Variants in ELOVL6 observed in about 807,000 individuals in gnomAD.
ELOVL6 encodes the protein very long chain fatty acid elongase 6.
In ELOVL6, 8 loss-of-function variants were observed where a neutral mutation model predicts 31.7. The ratio of observed to expected loss-of-function variants is 0.25; its 90% CI spans 0.15 to 0.45. The LOEUF (loss-of-function observed/expected upper bound fraction) is 0.45. Among genes scored for constraint, ELOVL6 ranks in the 20% least tolerant of loss-of-function variants. The probability of loss-of-function intolerance (pLI) is 1.00; values close to 1 mark genes in which losing one functional copy is unlikely to be tolerated. For missense variants in ELOVL6, 126 were observed against 326.4 expected, an observed-to-expected ratio of 0.39 and a Z score of 4.73; for synonymous variants, 101 against 117.7, an observed-to-expected ratio of 0.86 and a Z score of 0.92.
intron 1 of ELOVL6, among the ~76,000 whole-genome samples, chr4:110,158,294 GCA>G (rs1399792544): frequency 1.3e-5 from 2 of 152,068 alleles, no homozygotes; most frequent in African/African-American, 2.4e-5. Context: ...ACCATTGTGT[GCA>G]CAGTCTATAA....
intron 1 of ELOVL6, among the ~76,000 whole-genome samples, chr4:110,137,237 A>G (rs1757836601): frequency 6.6e-6 from 1 of 152,184 alleles, no homozygotes; most frequent in Admixed American, 6.5e-5. Context: ...TCTGACTCTG[A>G]GCCTGGATTA....
intron 1 of ELOVL6, among the ~76,000 whole-genome samples, chr4:110,134,970 T>C (rs1174087794): frequency 6.6e-6 from 1 of 152,014 alleles, no homozygotes; most frequent in Non-Finnish European, 1.5e-5. Flanking sequence ...AAAAAAGTGA[T>C]GATGTAGGAC....
chr4:110,195,664 C>G (rs1196125431), intron 1 of ELOVL6, among the ~76,000 whole-genome samples: 1 of 152,056 alleles, frequency 6.6e-6, no homozygotes, highest in Non-Finnish European at 1.5e-5. Flanking sequence ...GAGCAGAAGC[C>G]AGGAAGGGAA....
rs150372633 is a variant in ELOVL6, at chr4:110,149,941, T to G, written c.90-44313A>C. On this transcript the variant is annotated intron_variant, in intron 1 of 3. Coordinates refer to ENST00000302274, the MANE Select transcript of ELOVL6 (RefSeq NM_024090.3). ...AATAAATGCCTTCTTAAATCTTGAA[T>G]TTTTCTTCCCCTTAAAACAAGTACA... Among the ~76,000 whole-genome samples, 1,011 of 152,312 alleles carry G rather than the reference T, an allele frequency of 6.6e-3. 20 individuals are homozygous for G. Among genetic ancestry groups the G allele is most frequent in the African/African-American group, 0.022 (934 of 41,570 alleles).
At chr4:110,185,622 G>T (rs187862672) in intron 1 of ELOVL6, among the ~76,000 whole-genome samples, 1 of 152,170 alleles carries the variant, frequency 6.6e-6, no homozygotes, top group Non-Finnish European at 1.5e-5. Flanking sequence ...GCTTAGAAAA[G>T]AAGGCCTAGA....
intron 1 of ELOVL6, among the ~76,000 whole-genome samples, chr4:110,185,259 CT>C (rs1759404534): frequency 6.6e-6 from 1 of 152,190 alleles, no homozygotes; most frequent in Non-Finnish European, 1.5e-5. Flanking sequence ...TAATTCAAAA[CT>C]AAATACAACT....
At chr4:110,188,776 C>T (rs1439610695) in intron 1 of ELOVL6, among the ~76,000 whole-genome samples, 1 of 151,692 alleles carries the variant, frequency 6.6e-6, no homozygotes, top group Non-Finnish European at 1.5e-5. Context: ...CCTGTAATCC[C>T]AGCTACTCAA....
chr4:110,053,258 CAACAA>C (rs945694293), intron 3 of ELOVL6, among the ~76,000 whole-genome samples: 1 of 152,098 alleles, frequency 6.6e-6, no homozygotes, highest in Admixed American at 6.6e-5. Context: ...TAATTAAGCG[CAACAA>C]AACAAAACAA....
chr4:110,090,135 T>C (rs28708426), intron 2 of ELOVL6, among the ~76,000 whole-genome samples: 14,546 of 152,252 alleles, frequency 0.096, 815 homozygotes, highest in East Asian at 0.18. Context: ...CAGGCACCAA[T>C]GAATGATGTC....
At chr4:110,104,295 T>C (rs992224496) in intron 2 of ELOVL6, among the ~76,000 whole-genome samples, 16 of 152,224 alleles carry the variant, frequency 1.1e-4, no homozygotes, top group African/African-American at 3.9e-4. Flanking sequence ...CTTTATATTA[T>C]AGAGAATCAT....
Position 110,084,024 on chromosome 4 carries a change from T to C in ELOVL6, c.221+21473A>G, listed in dbSNP as rs1430061618. Reference sequence around the variant, plus strand: ...TATGCCATATATGGTATATAACATATGCCATATATGGTATATAACACATGC... The same window carrying C: ...TATGCCATATATGGTATATAACATACGCCATATATGGTATATAACACATGC... On this transcript the variant is annotated intron_variant, in intron 2 of 3. Coordinates refer to ENST00000302274, the MANE Select transcript of ELOVL6 (RefSeq NM_024090.3). 1.6e-4 allele frequency among the ~76,000 whole-genome samples: 10 copies of C among 60,942 alleles called. 3 individuals are homozygous for C. The East Asian group carries it at 3.5e-3, about 21-fold the overall frequency. The allele number at this position is 60,942 out of a possible 152,430, so 40.0% of individuals were successfully genotyped here.
chr4:110,136,031 GA>G (rs770276330), intron 1 of ELOVL6, among the ~76,000 whole-genome samples: 2 of 152,138 alleles, frequency 1.3e-5, no homozygotes, highest in African/African-American at 2.4e-5. Context: ...GGCTAATATT[GA>G]AGGTATCTTA....
At chr4:110,161,835 T>C (rs2126269554) in intron 1 of ELOVL6, among the ~76,000 whole-genome samples, 1 of 152,336 alleles carries the variant, frequency 6.6e-6, no homozygotes, top group East Asian at 1.9e-4. Flanking sequence ...TCAGAAATAT[T>C]GTAACCAAAA....
intron 1 of ELOVL6, among the ~76,000 whole-genome samples, chr4:110,188,867 C>T (rs1466383233): frequency 7.5e-6 from 1 of 134,208 alleles, no homozygotes; most frequent in Admixed American, 7.8e-5. Context: ...CTCCACTGGG[C>T]AACAAGAGTG....
At chr4:110,172,809 G>C (rs892194669) in intron 1 of ELOVL6, among the ~76,000 whole-genome samples, 1 of 152,150 alleles carries the variant, frequency 6.6e-6, no homozygotes, top group Non-Finnish European at 1.5e-5. Flanking sequence ...TCTTGTTACA[G>C]TGAAACAATG....
chr4:110,177,818 G>C (rs1005282902), intron 1 of ELOVL6, among the ~76,000 whole-genome samples: 1 of 152,122 alleles, frequency 6.6e-6, no homozygotes, highest in African/African-American at 2.4e-5. Flanking sequence ...TCTGTTACTT[G>C]CAGTTGAAAA....
At chr4:110,190,673 T>C (rs1759588185) in intron 1 of ELOVL6, among the ~76,000 whole-genome samples, 1 of 151,840 alleles carries the variant, frequency 6.6e-6, no homozygotes, top group African/African-American at 2.4e-5. Context: ...CCCGGCTAAT[T>C]TTTGTAGTTT....
chr4:110,064,714 C>T (rs1755248384), intron 2 of ELOVL6, among the ~76,000 whole-genome samples: 1 of 152,000 alleles, frequency 6.6e-6, no homozygotes, highest in African/African-American at 2.4e-5. Context: ...TCTTGAACTC[C>T]TGGGCTCAAG....
At chr4:110,117,903 A>AAAT in intron 1 of ELOVL6, 3 of 6,504 alleles carry the variant, frequency 4.6e-4, no homozygotes, top group East Asian at 0.012. Context: ...AAAAAAAAAA[A>AAAT]ATATATATAT....
Sources: allele counts gnomAD v4.1 joint callset (sites outside exome capture counted in the v4.1 genomes callset), GRCh38; gene constraint gnomAD v4.1.1; transcripts MANE v1.5; gene names NCBI Gene and HGNC (gene_info 2026-07-23, HGNC 2026-07-21).